RADX: variants seen among roughly 807,000 people sequenced by gnomAD.
RADX encodes RPA1 related single stranded DNA binding protein, X-linked.
A neutral mutation model predicts 61.6 loss-of-function variants in RADX; 36 were observed. The observed-to-expected ratio is 0.58, with a 90% CI of 0.45 to 0.77. The LOEUF (loss-of-function observed/expected upper bound fraction) is 0.77, where lower values mean the gene tolerates loss of function less well. RADX is among the 30% of genes least tolerant of loss of function. RADX has a pLI of 0.00. For missense variants in RADX, 497 were observed against 651.1 expected (o/e 0.76, Z 2.58); for synonymous variants, 272 against 237.9 (o/e 1.14, Z -1.32).
At position 106,678,230 on chromosome X, in the gene RADX, A is replaced by G; in HGVS notation, c.2540A>G (p.Lys847Arg). The G allele has an allele frequency of 8.6e-7, 1 of 1,168,649 alleles. No individual in the cohort carries two copies. Among genetic ancestry groups the G allele is most frequent in the Non-Finnish European group, 1.2e-6 (1 of 857,073 alleles). The change falls in exon 14 of 14, where the codon AAG (lysine) becomes AGG (arginine). Residue 847 changes from lysine (K) to arginine (R), a missense_variant. Physicochemically the swap from Lys to Arg is conservative, Grantham distance 26. Coordinates refer to ENST00000372548, the MANE Select transcript of RADX (RefSeq NM_018015.6). ...AATAAAGTGGAAGTCTATTTGCACA[A>G]GATTTATAGTCCAGAGAATACTTCT... The part of the protein sequence containing the change: ...GNNKVEVYLH[K>R]IYSPENTS
At chrX:106,638,663 A>G (rs1301598046) in intron 8 of RADX, 1 of 112,492 alleles carries the variant, frequency 8.9e-6, no homozygotes, top group African/African-American at 3.2e-5. Context: ...ACTGATAAGT[A>G]TAATACAAAT....
intron 10 of RADX, among the ~76,000 whole-genome samples, chrX:106,644,361 A>T (rs931193886): frequency 9.0e-5 from 10 of 111,228 alleles, no homozygotes; most frequent in African/African-American, 3.3e-4. Context: ...AGATCTGAGG[A>T]AAGGCTTTCA....
intron 3 of RADX, among the ~76,000 whole-genome samples, chrX:106,630,695 C>T (rs959205704): frequency 1.8e-5 from 2 of 111,127 alleles, no homozygotes; most frequent in Non-Finnish European, 3.8e-5. Context: ...TTCTCACTTA[C>T]AAGCAGGAGC....
At chrX:106,619,717 GAT>G (rs1276135824) in intron 1 of RADX, among the ~76,000 whole-genome samples, 1 of 110,867 alleles carries the variant, frequency 9.0e-6, no homozygotes, top group Non-Finnish European at 1.9e-5. Flanking sequence ...CAAATTTATT[GAT>G]ATAAAATCAT....
intron 3 of RADX, among the ~76,000 whole-genome samples, chrX:106,629,271 A>G (rs765283293): frequency 2.7e-5 from 3 of 111,854 alleles, no homozygotes; most frequent in Admixed American, 1.9e-4. Context: ...AAGTGATACT[A>G]TGACAATGAA....
chrX:106,618,725 C>T (rs1041182297), intron 1 of RADX, among the ~76,000 whole-genome samples: 5 of 110,517 alleles, frequency 4.5e-5, no homozygotes, highest in Non-Finnish European at 3.8e-5. Context: ...AGCCTGAGTC[C>T]GGGAGGTTGA....
intron 1 of RADX, among the ~76,000 whole-genome samples, chrX:106,619,811 G>T (rs753527389): frequency 2.2e-4 from 24 of 111,325 alleles, no homozygotes; most frequent in Non-Finnish European, 4.3e-4. Flanking sequence ...TCTTTTTCAT[G>T]ATTAGACTTG....
intron 10 of RADX, among the ~76,000 whole-genome samples, chrX:106,642,266 T>C (rs961747809): frequency 9.0e-6 from 1 of 111,207 alleles, no homozygotes; most frequent in Non-Finnish European, 1.9e-5. Flanking sequence ...CAAATTACAC[T>C]CTTTTAGTTA....
At chrX:106,641,841 A>G (rs1237163384) in intron 10 of RADX, among the ~76,000 whole-genome samples, 2 of 111,408 alleles carry the variant, frequency 1.8e-5, no homozygotes, top group Non-Finnish European at 3.8e-5. Context: ...CAACAAGAAC[A>G]TTATAGCTTA....
intron 10 of RADX, among the ~76,000 whole-genome samples, chrX:106,645,601 T>C (rs1225212079): frequency 9.0e-6 from 1 of 111,726 alleles, no homozygotes; most frequent in Non-Finnish European, 1.9e-5. Flanking sequence ...TTTTACTCCA[T>C]TGTGGACAGA....
intron 13 of RADX, among the ~76,000 whole-genome samples, chrX:106,674,955 T>C (rs1266310943): frequency 3.0e-5 from 3 of 99,376 alleles, no homozygotes; most frequent in Admixed American, 1.1e-4. Context: ...ACCCGGGAGG[T>C]GGAGGTTGCA....
intron 10 of RADX, among the ~76,000 whole-genome samples, chrX:106,647,134 C>T (rs1023466135): frequency 1.8e-5 from 2 of 110,611 alleles, no homozygotes; most frequent in African/African-American, 6.6e-5. Flanking sequence ...TCCCAAACTC[C>T]CCTACTCCCC....
chrX:106,640,539 T>A lies in RADX; in HGVS notation c.1735-13T>A, dbSNP rs780392556. 9 of 1,128,057 alleles carry A rather than the reference T, an allele frequency of 8.0e-6. No individual in the cohort carries two copies. The Admixed American group carries it at 2.5e-4, about 31-fold the overall frequency. 93.0% of individuals were successfully genotyped at this position (1,128,057 alleles called of 1,213,427 possible). On this transcript the variant is annotated splice_polypyrimidine_tract_variant and intron_variant, in intron 9 of 13. Coordinates refer to ENST00000372548, the MANE Select transcript of RADX (RefSeq NM_018015.6). ...ATTAGCCTAAAGTGTTTTCTCTAAA[T>A]TATTGGTTTTAGAATGCTAACAGAC...
At chrX:106,675,155 C>T (rs1245290247) in intron 13 of RADX, among the ~76,000 whole-genome samples, 1 of 111,796 alleles carries the variant, frequency 8.9e-6, no homozygotes, top group Non-Finnish European at 1.9e-5. Flanking sequence ...ACTTTGAAGT[C>T]CAAGGATATC....
chrX:106,625,155 T>G lies in RADX; in HGVS notation c.852T>G (p.Pro284=), dbSNP rs1300613125. Residue 284 remains proline (P), a synonymous_variant, in exon 3 of 14, where the codon CCT becomes CCG. Transcript: ENST00000372548. ...TGATTATGTGGAATGCCCTGTGTCC[T>G]GAGTGGTATAAAAGTTTGCGGGTTG... The part of the protein sequence containing the change: ...VSVIMWNALC[P]EWYKSLRVGL... 1 of 1,208,697 alleles carries G rather than the reference T, an allele frequency of 8.3e-7. No individual in the cohort carries two copies. Among genetic ancestry groups the G allele is most frequent in the African/African-American group, 1.7e-5 (1 of 57,728 alleles).
At chrX:106,666,116 T>C (rs1928223763) in intron 12 of RADX, among the ~76,000 whole-genome samples, 1 of 112,131 alleles carries the variant, frequency 8.9e-6, no homozygotes, top group African/African-American at 3.2e-5. Flanking sequence ...AAGTACAAAA[T>C]GTAAAATCTG....
chrX:106,661,895 G>A, intron 11 of RADX, 120 bp from the exon 12 acceptor site: 1 of 541,808 alleles, frequency 1.8e-6, no homozygotes, highest in Non-Finnish European at 2.8e-6. Flanking sequence ...GTAGGTAGTG[G>A]TTTGATTTTT....
intron 13 of RADX, 45 bp from the exon 14 acceptor site, chrX:106,678,083 T>C (rs1439560186): frequency 3.3e-6 from 3 of 919,332 alleles, no homozygotes; most frequent in Non-Finnish European, 4.6e-6. Context: ...GTCAAGTAAA[T>C]ATTTAACTAT....
At chrX:106,612,872 T>C in intron 1 of RADX, 149 bp downstream of exon 1, 1 of 529,795 alleles carries the variant, frequency 1.9e-6, no homozygotes, top group Non-Finnish European at 2.9e-6. Context: ...GACCAAGGGA[T>C]GCTCAATGAA....
Sources: allele counts gnomAD v4.1 joint callset (sites outside exome capture counted in the v4.1 genomes callset), GRCh38; gene constraint gnomAD v4.1.1; transcripts MANE v1.5; gene names NCBI Gene and HGNC (gene_info 2026-07-23, HGNC 2026-07-21).